GBF1: variants seen among roughly 807,000 people sequenced by gnomAD.
The protein encoded by GBF1 is golgi brefeldin A resistant guanine nucleotide exchange factor 1, also known as Golgi-specific brefeldin A-resistance guanine nucleotide exchange factor 1.
GBF1 carries 114 observed loss-of-function variants against 210.5 expected under a neutral mutation model. The ratio of observed to expected loss-of-function variants is 0.54; its 90% CI spans 0.47 to 0.63. GBF1 has a LOEUF of 0.63. Ranked by LOEUF, GBF1 falls within the 30% of genes least tolerant of loss-of-function variation. The probability of loss-of-function intolerance (pLI) is 0.00; values close to 1 mark genes in which losing one functional copy is unlikely to be tolerated. For synonymous variants in GBF1, 850 were observed against 889.2 expected (o/e 0.96, Z 0.78); for missense variants, 1,851 against 2,357.7 (o/e 0.79, Z 4.45).
chr10:102,236,505 C>T, the GBF1 span, among the ~76,000 whole-genome samples: 4 of 152,132 alleles, frequency 2.6e-5, no homozygotes, highest in Non-Finnish European at 4.4e-5. Flanking sequence ...GTACAGAGGG[C>T]CTACAGGTAT....
chr10:102,382,434 C>A lies in GBF1; in HGVS notation c.*98C>A. On this transcript the variant is annotated 3_prime_UTR_variant, in exon 40 of 40. Transcript: ENST00000369983. ...GGGCCACAAGCTCTTCAGGCCAAGTCAGAGCTGCTGTTGCTGCCACTTGGA... is the reference window on the plus strand; with the variant it reads ...GGGCCACAAGCTCTTCAGGCCAAGTAAGAGCTGCTGTTGCTGCCACTTGGA... The A allele has an allele frequency of 9.2e-7, 1 of 1,084,660 alleles. No individual in the cohort carries two copies. The highest frequency in any genetic ancestry group is 1.3e-6 in the Non-Finnish European group (1 of 755,604). The allele number at this position is 1,084,660 out of a possible 1,614,324, so 67.2% of individuals were successfully genotyped here. A position where few individuals can be genotyped will look rare whatever the true frequency, so the allele number is the denominator to read the frequency against.
At chr10:102,275,071 G>C (rs1413461154) in intron 3 of GBF1, among the ~76,000 whole-genome samples, 3 of 149,468 alleles carry the variant, frequency 2.0e-5, no homozygotes, top group African/African-American at 7.4e-5. Context: ...GAGTGCAGTG[G>C]TGCAATCTCC....
chr10:102,378,983 G>A (rs1430089419), intron 33 of GBF1, among the ~76,000 whole-genome samples: 1 of 152,180 alleles, frequency 6.6e-6, no homozygotes, highest in Non-Finnish European at 1.5e-5. Context: ...TCATCAGCAG[G>A]TGTGAAATAG....
intron 12 of GBF1, among the ~76,000 whole-genome samples, chr10:102,360,788 C>A (rs1236484206): frequency 5.3e-5 from 8 of 152,126 alleles, no homozygotes. Flanking sequence ...CCAGCCTGAC[C>A]AATGTGGTGA....
chr10:102,374,649 G>T (rs574148390), intron 29 of GBF1, among the ~76,000 whole-genome samples: 1 of 152,198 alleles, frequency 6.6e-6, no homozygotes, highest in Non-Finnish European at 1.5e-5. Context: ...GTTGTTTTGT[G>T]GTGGATACCC....
At chr10:102,286,343 G>C (rs1218190177) in intron 3 of GBF1, among the ~76,000 whole-genome samples, 1 of 151,820 alleles carries the variant, frequency 6.6e-6, no homozygotes, top group Non-Finnish European at 1.5e-5. Flanking sequence ...TTAGTTATTT[G>C]GAACCAAAAA....
At chr10:102,231,187 G>C in the GBF1 span, 1 of 1,291,994 alleles carries the variant, frequency 7.7e-7, no homozygotes, top group Non-Finnish European at 1.0e-6. Context: ...GCTTCCAGCC[G>C]GGGCCCTGCG....
At position 102,368,395 on chromosome 10, in the gene GBF1, T is replaced by G; in HGVS notation, c.2820T>G (p.Ser940=). ...MTWGPTIAAL[S]YVFDKSLEET... Reference sequence around the variant, plus strand: ...GGGGCCCCACTATTGCTGCTCTCTCTTATGTCTTTGACAAAAGCCTTGAGG... The same window carrying G: ...GGGGCCCCACTATTGCTGCTCTCTCGTATGTCTTTGACAAAAGCCTTGAGG... Residue 940 remains serine, a synonymous_variant, in exon 22 of 40, where the codon TCT becomes TCG. Transcript: ENST00000369983. 3.1e-6 allele frequency: 5 copies of G among 1,613,982 alleles called. No homozygotes were observed. The highest frequency in any genetic ancestry group is 4.2e-6 in the Non-Finnish European group (5 of 1,179,820).
chr10:102,348,426 AAG>A (rs1357635584), intron 4 of GBF1, among the ~76,000 whole-genome samples: 1 of 152,202 alleles, frequency 6.6e-6, no homozygotes, highest in Non-Finnish European at 1.5e-5. Context: ...AGATTACTGA[AAG>A]AGAGGAAGAA....
intron 3 of GBF1, among the ~76,000 whole-genome samples, chr10:102,306,471 T>C (rs2077885359): frequency 6.6e-6 from 1 of 152,232 alleles, no homozygotes; most frequent in South Asian, 2.1e-4. Flanking sequence ...TCGCCCAGGC[T>C]GGAGTGCAAT....
At chr10:102,344,946 T>A (rs2058435272) in intron 4 of GBF1, among the ~76,000 whole-genome samples, 2 of 152,160 alleles carry the variant, frequency 1.3e-5, no homozygotes, top group South Asian at 4.1e-4. Context: ...GTTTGAATCT[T>A]TATGTTTTTC....
intron 3 of GBF1, among the ~76,000 whole-genome samples, chr10:102,318,186 C>G (rs2056015187): frequency 6.6e-6 from 1 of 151,288 alleles, no homozygotes; most frequent in South Asian, 2.1e-4. Context: ...TGTGAGCCAC[C>G]ATGCCCAGTC....
At chr10:102,265,401 A>G (rs896489578) in intron 3 of GBF1, among the ~76,000 whole-genome samples, 1 of 152,174 alleles carries the variant, frequency 6.6e-6, no homozygotes, top group Non-Finnish European at 1.5e-5. Context: ...CAACCAGGCT[A>G]GGTGCAGTGA....
intron 3 of GBF1, among the ~76,000 whole-genome samples, chr10:102,285,463 A>G (rs554205101): frequency 6.6e-6 from 1 of 152,312 alleles, no homozygotes; most frequent in East Asian, 1.9e-4. Context: ...TTACAATGAT[A>G]CTATGTACAG....
intron 24 of GBF1, 76 bp from the exon 25 acceptor site, chr10:102,369,635 G>A (rs1352202592): frequency 7.3e-7 from 1 of 1,368,434 alleles, no homozygotes; most frequent in Admixed American, 1.8e-5. Context: ...AGGAAATCCA[G>A]AGAACTTTGG....
chr10:102,327,118 C>G (rs199623882), intron 3 of GBF1, among the ~76,000 whole-genome samples: 1 of 152,186 alleles, frequency 6.6e-6, no homozygotes, highest in South Asian at 2.1e-4. Context: ...CCTGGCCAAG[C>G]CTTAGCCTCT....
intron 3 of GBF1, among the ~76,000 whole-genome samples, chr10:102,272,938 G>A (rs1340719695): frequency 6.6e-6 from 1 of 152,110 alleles, no homozygotes; most frequent in African/African-American, 2.4e-5. Context: ...GCCAGTGTGC[G>A]TCCCCTTCAG....
chr10:102,329,598 G>A (rs897336559), intron 3 of GBF1, among the ~76,000 whole-genome samples: 4 of 151,828 alleles, frequency 2.6e-5, no homozygotes, highest in African/African-American at 9.7e-5. Flanking sequence ...TGAGTAGCTG[G>A]GACTACAGGT....
upstream of GBF1, among the ~76,000 whole-genome samples, chr10:102,240,550 C>T (rs9664049): frequency 0.67 from 101,761 of 152,208 alleles, 34,612 homozygotes; most frequent in African/African-American, 0.8. Flanking sequence ...GCTGGGTAGA[C>T]GGACATGCCA....
Sources: allele counts gnomAD v4.1 joint callset (sites outside exome capture counted in the v4.1 genomes callset), GRCh38; gene constraint gnomAD v4.1.1; transcripts MANE v1.5; gene names NCBI Gene and HGNC (gene_info 2026-07-23, HGNC 2026-07-21).